EFCAB11: variants seen among roughly 807,000 people sequenced by gnomAD.
EFCAB11 encodes the protein EF-hand calcium-binding domain-containing protein 11.
A neutral mutation model predicts 23.0 loss-of-function variants in EFCAB11; 14 were observed. The ratio of observed to expected loss-of-function variants is 0.61; its 90% CI spans 0.40 to 0.95. The LOEUF is 0.95. Ranked by LOEUF, EFCAB11 falls within the 40% of genes least tolerant of loss-of-function variation. The pLI is 0.00. For missense variants in EFCAB11, 198 were observed against 195.8 expected (o/e 1.01, Z -0.07); for synonymous variants, 65 against 66.6 (o/e 0.98, Z 0.11).
chr14:89,937,861 A>G (rs1890642618), intron 3 of EFCAB11: 1 of 152,160 alleles, frequency 6.6e-6, no homozygotes, highest in South Asian at 2.1e-4. Context: ...ACTACTTAAT[A>G]CATGTATATA....
At chr14:89,932,171 C>T (rs985337288) in intron 4 of EFCAB11, among the ~76,000 whole-genome samples, 5 of 152,152 alleles carry the variant, frequency 3.3e-5, no homozygotes, top group African/African-American at 1.2e-4. Flanking sequence ...AACAATTCCA[C>T]CAATCATATG....
chr14:89,841,989 TTC>T (rs1200122763), intron 5 of EFCAB11, among the ~76,000 whole-genome samples: 1 of 152,096 alleles, frequency 6.6e-6, no homozygotes, highest in Non-Finnish European at 1.5e-5. Flanking sequence ...TTCCTCCTCC[TTC>T]TCTCTAAACC....
intron 2 of EFCAB11, among the ~76,000 whole-genome samples, chr14:89,951,447 C>A (rs1004298182): frequency 1.3e-5 from 2 of 152,156 alleles, no homozygotes; most frequent in African/African-American, 2.4e-5. Flanking sequence ...TCCTTCTTTG[C>A]TCCCTTCACT....
intron 5 of EFCAB11, among the ~76,000 whole-genome samples, chr14:89,817,281 C>G (rs1566769671): frequency 6.6e-6 from 1 of 151,874 alleles, no homozygotes; most frequent in East Asian, 1.9e-4. Flanking sequence ...TTTGGGAGGC[C>G]AAGGGGGGAG....
chr14:89,892,568 A>G, intron 5 of EFCAB11: 1 of 786,554 alleles, frequency 1.3e-6, no homozygotes, highest in Non-Finnish European at 1.9e-6. Context: ...TGACACAGTC[A>G]TGCTTCCTGG....
At chr14:89,825,238 T>C (rs1236740326) in intron 5 of EFCAB11, among the ~76,000 whole-genome samples, 2 of 151,610 alleles carry the variant, frequency 1.3e-5, no homozygotes, top group Non-Finnish European at 2.9e-5. Context: ...CATTTCATAA[T>C]AACCCATGGG....
chr14:89,854,665 T>C (rs895449366), intron 5 of EFCAB11, among the ~76,000 whole-genome samples: 3 of 152,080 alleles, frequency 2.0e-5, no homozygotes, highest in Admixed American at 6.6e-5. Flanking sequence ...CCTTAAATAC[T>C]TGAATACACA....
rs559786188 is a variant in EFCAB11 at position 89,897,134 on chromosome 14, C to CT, written c.410+34406dup. On this transcript the variant is annotated intron_variant, in intron 5 of 5. Transcript: ENST00000316738. Reference sequence around the variant, plus strand: ...ACAAAGACTACATACATTTGAAATTCTTTTTTACAAAGTTTAAAAACAAGG... The same window carrying CT: ...ACAAAGACTACATACATTTGAAATTCTTTTTTTACAAAGTTTAAAAACAAGG... Among the ~76,000 whole-genome samples, 687 of 151,058 alleles carry CT rather than the reference C, an allele frequency of 4.5e-3. 7 individuals are homozygous for CT. The highest frequency in any genetic ancestry group is 0.034 in the South Asian group (162 of 4,790).
intron 5 of EFCAB11, among the ~76,000 whole-genome samples, chr14:89,872,812 C>T (rs1286936): frequency 6.6e-6 from 1 of 151,500 alleles, no homozygotes; most frequent in African/African-American, 2.4e-5. Context: ...GACACACACA[C>T]ATGTGGAAGA....
intron 3 of EFCAB11, among the ~76,000 whole-genome samples, chr14:89,937,842 A>C (rs1445631632): frequency 6.6e-6 from 1 of 152,038 alleles, no homozygotes; most frequent in Non-Finnish European, 1.5e-5. Context: ...CATATTTTTT[A>C]GTTTCCAAAC....
At chr14:89,839,807 G>T (rs568339608) in intron 5 of EFCAB11, among the ~76,000 whole-genome samples, 5 of 151,196 alleles carry the variant, frequency 3.3e-5, no homozygotes, top group South Asian at 2.1e-4. Flanking sequence ...AGAGAGGAAG[G>T]GGGGAGGTGC....
At chr14:89,954,770 C>T, upstream of EFCAB11, 2 of 1,466,342 alleles carry the variant, frequency 1.4e-6, no homozygotes, top group Admixed American at 2.1e-5. Context: ...AGCCGAACTT[C>T]ACCGCGCAAC....
At chr14:89,829,019 C>T (rs959287560) in intron 5 of EFCAB11, among the ~76,000 whole-genome samples, 1 of 152,188 alleles carries the variant, frequency 6.6e-6, no homozygotes, top group Non-Finnish European at 1.5e-5. Context: ...ATTGCACTCA[C>T]ATTCCTGTTT....
At chr14:89,865,402 A>G (rs941989429) in intron 5 of EFCAB11, among the ~76,000 whole-genome samples, 12 of 152,210 alleles carry the variant, frequency 7.9e-5, no homozygotes, top group Admixed American at 7.9e-4. Flanking sequence ...GTGTTGATTT[A>G]GAGACTGACA....
chr14:89,952,431 G>A, intron 2 of EFCAB11: 4 of 985,404 alleles, frequency 4.1e-6, no homozygotes, highest in Non-Finnish European at 4.8e-6. Context: ...TTCACAGGCT[G>A]ACTCTTTTCA....
intron 5 of EFCAB11, among the ~76,000 whole-genome samples, chr14:89,878,863 C>T (rs1025965112): frequency 1.5e-4 from 21 of 136,728 alleles, no homozygotes; most frequent in African/African-American, 6.5e-4. Flanking sequence ...ACACATGTCT[C>T]TTCTTTTCCA....
intron 3 of EFCAB11, among the ~76,000 whole-genome samples, chr14:89,943,920 T>C (rs1890879442): frequency 6.6e-6 from 1 of 152,118 alleles, no homozygotes; most frequent in South Asian, 2.1e-4. Flanking sequence ...CCAGAATCCA[T>C]ACCTCTCTGC....
intron 5 of EFCAB11, among the ~76,000 whole-genome samples, chr14:89,827,477 G>A (rs925355802): frequency 2.0e-5 from 3 of 152,184 alleles, no homozygotes; most frequent in African/African-American, 7.2e-5. Flanking sequence ...CTAAAGGGAA[G>A]CAGCTGGGAA....
At chr14:89,856,194 T>C (rs1229160997) in intron 5 of EFCAB11, among the ~76,000 whole-genome samples, 4 of 139,540 alleles carry the variant, frequency 2.9e-5, no homozygotes, top group Non-Finnish European at 6.0e-5. Context: ...CTCTCTCTCT[T>C]TTTTTTTTTT....
Sources: allele counts gnomAD v4.1 joint callset (sites outside exome capture counted in the v4.1 genomes callset), GRCh38; gene constraint gnomAD v4.1.1; transcripts MANE v1.5; gene names NCBI Gene and HGNC (gene_info 2026-07-23, HGNC 2026-07-21).